Variants in STK39 observed in about 807,000 individuals in gnomAD.
STK39 encodes serine/threonine kinase 39.
In STK39, 20 loss-of-function variants were observed where a neutral mutation model predicts 77.8. The ratio of observed to expected loss-of-function variants is 0.26; its 90% CI spans 0.18 to 0.37. STK39 has a LOEUF of 0.37. STK39 is among the 10% of genes least tolerant of loss of function. The pLI is 1.00. For missense variants in STK39, 479 were observed against 656.5 expected, an observed-to-expected ratio of 0.73 and a Z score of 2.95; for synonymous variants, 246 against 234.1, an observed-to-expected ratio of 1.05 and a Z score of -0.47.
chr2:168,105,637 T>C (rs1236323341), intron 10 of STK39, among the ~76,000 whole-genome samples: 1 of 152,236 alleles, frequency 6.6e-6, no homozygotes, highest in Non-Finnish European at 1.5e-5. Flanking sequence ...GCAAACACCA[T>C]TTCTTAAAGA....
At chr2:168,198,125 T>C (rs1689521935) in intron 1 of STK39, among the ~76,000 whole-genome samples, 1 of 152,060 alleles carries the variant, frequency 6.6e-6, no homozygotes, top group Admixed American at 6.6e-5. Flanking sequence ...AACACAACTA[T>C]TTTCATGATG....
intron 17 of STK39, among the ~76,000 whole-genome samples, chr2:167,955,843 G>C (rs940699576): frequency 6.6e-6 from 1 of 152,180 alleles, no homozygotes; most frequent in African/African-American, 2.4e-5. Flanking sequence ...GGAAGCTTTG[G>C]AACAGTCAGT....
At chr2:168,087,987 A>T (rs911113029) in intron 10 of STK39, among the ~76,000 whole-genome samples, 7 of 152,210 alleles carry the variant, frequency 4.6e-5, no homozygotes, top group African/African-American at 1.7e-4. Context: ...TGTTAGGTCT[A>T]AGAAATATAA....
At chr2:168,240,573 C>G (rs142138083) in intron 1 of STK39, among the ~76,000 whole-genome samples, 29 of 152,260 alleles carry the variant, frequency 1.9e-4, no homozygotes, top group African/African-American at 6.7e-4. Flanking sequence ...TGGACAAAGA[C>G]AGGAAAGTAT....
chr2:168,220,256 C>CAA (rs1028075557), intron 1 of STK39, among the ~76,000 whole-genome samples: 3 of 151,936 alleles, frequency 2.0e-5, no homozygotes, highest in African/African-American at 7.3e-5. Flanking sequence ...AACAAATGCC[C>CAA]AACAAAGCTG....
chr2:168,173,249 T>G (rs1688872856), intron 2 of STK39, among the ~76,000 whole-genome samples: 1 of 152,160 alleles, frequency 6.6e-6, no homozygotes. Context: ...TGCAATACCC[T>G]CGAAACATTT....
At chr2:168,140,447 C>T in intron 6 of STK39, 57 bp from the exon 7 acceptor site, 1 of 1,454,540 alleles carries the variant, frequency 6.9e-7, no homozygotes, top group Non-Finnish European at 9.7e-7. Flanking sequence ...TACACATCAT[C>T]AAGTCCATGT....
chr2:168,080,684 T>C (rs935715075), intron 10 of STK39, among the ~76,000 whole-genome samples: 8 of 151,748 alleles, frequency 5.3e-5, no homozygotes, highest in Admixed American at 2.0e-4. Context: ...CTCCAGGGCA[T>C]GACAGAGAAC....
chr2:168,139,127 G>C (rs565897939), intron 7 of STK39, among the ~76,000 whole-genome samples: 1 of 152,312 alleles, frequency 6.6e-6, no homozygotes, highest in East Asian at 1.9e-4. Flanking sequence ...GAAAGCGGGA[G>C]ACTGGGAACT....
chr2:168,148,423 T>C (rs990046114), intron 5 of STK39, among the ~76,000 whole-genome samples: 1 of 152,184 alleles, frequency 6.6e-6, no homozygotes, highest in African/African-American at 2.4e-5. Flanking sequence ...AGCTTTCTGC[T>C]GTCCTGACTC....
At chr2:168,154,391 G>C (rs569875106) in intron 5 of STK39, among the ~76,000 whole-genome samples, 61 of 152,258 alleles carry the variant, frequency 4.0e-4, no homozygotes, top group African/African-American at 1.4e-3. Context: ...AATGACCACT[G>C]GGGGCCTAGA....
chr2:168,012,763 AC>A, intron 15 of STK39, 61 bp from the exon 16 acceptor site: 1 of 1,397,898 alleles, frequency 7.2e-7, no homozygotes, highest in African/African-American at 1.5e-5. Flanking sequence ...ACAACCCAGT[AC>A]AATGTAAAAT....
At chr2:168,029,720 G>A (rs1684786380) in intron 14 of STK39, among the ~76,000 whole-genome samples, 1 of 152,186 alleles carries the variant, frequency 6.6e-6, no homozygotes, top group African/African-American at 2.4e-5. Flanking sequence ...ACGGGTATTT[G>A]AAGGGGTCTG....
intron 5 of STK39, among the ~76,000 whole-genome samples, chr2:168,150,986 C>T (rs1040101823): frequency 1.3e-5 from 2 of 152,056 alleles, no homozygotes; most frequent in African/African-American, 4.8e-5. Flanking sequence ...TTTATTCCTT[C>T]TTGAAAGCAA....
chr2:167,964,064 G>A (rs553683208), intron 17 of STK39, among the ~76,000 whole-genome samples: 35 of 152,034 alleles, frequency 2.3e-4, no homozygotes, highest in Non-Finnish European at 4.6e-4. Flanking sequence ...CAGAATGTCC[G>A]GCACTCTGTA....
intron 5 of STK39, among the ~76,000 whole-genome samples, chr2:168,149,432 T>C (rs1227937989): frequency 2.0e-5 from 3 of 152,228 alleles, no homozygotes; most frequent in Admixed American, 2.0e-4. Context: ...GTCCATGACC[T>C]CTGTGACATC....
intron 1 of STK39, among the ~76,000 whole-genome samples, chr2:168,187,825 C>A (rs552869107): frequency 1.6e-3 from 247 of 152,042 alleles, no homozygotes; most frequent in Non-Finnish European, 2.6e-3. Flanking sequence ...AAGAACTTTA[C>A]GTTAAAGTTA....
chr2:168,166,633 T>C (rs1688699708), intron 3 of STK39, among the ~76,000 whole-genome samples: 1 of 152,196 alleles, frequency 6.6e-6, no homozygotes, highest in South Asian at 2.1e-4. Context: ...AACCTAAATA[T>C]GCACTGTCCA....
chr2:168,071,859 G>T (rs1042569006), intron 12 of STK39, among the ~76,000 whole-genome samples: 1 of 140,174 alleles, frequency 7.1e-6, no homozygotes, highest in Non-Finnish European at 1.5e-5. Context: ...AACAGAGTGA[G>T]ACTCCATCTC....
Sources: allele counts gnomAD v4.1 joint callset (sites outside exome capture counted in the v4.1 genomes callset), GRCh38; gene constraint gnomAD v4.1.1; transcripts MANE v1.5; gene names NCBI Gene and HGNC (gene_info 2026-07-23, HGNC 2026-07-21).